The following PNO1 variants were observed in gnomAD, a reference collection of about 807,000 sequenced individuals.
PNO1 encodes the protein RNA-binding protein PNO1.
PNO1 carries 16 observed loss-of-function variants against 28.4 expected under a neutral mutation model. The observed-to-expected ratio is 0.56, with a 90% CI of 0.38 to 0.85. The LOEUF is 0.85. PNO1 is among the 40% of genes least tolerant of loss of function. The probability of loss-of-function intolerance (pLI) is 0.00; values close to 1 mark genes in which losing one functional copy is unlikely to be tolerated. For synonymous variants in PNO1, 115 were observed against 110.8 expected, an observed-to-expected ratio of 1.04 and a Z score of -0.24; for missense variants, 304 against 312.2, an observed-to-expected ratio of 0.97 and a Z score of 0.20.
chr2:68,171,930 G>T (rs778489413), intron 5 of PNO1, among the ~76,000 whole-genome samples: 5 of 152,070 alleles, frequency 3.3e-5, no homozygotes, highest in Non-Finnish European at 7.4e-5. Context: ...GATATGAGTG[G>T]AATGACAGAA....
chr2:68,168,715 T>A (rs1414072083), intron 5 of PNO1, among the ~76,000 whole-genome samples: 1 of 152,182 alleles, frequency 6.6e-6, no homozygotes, highest in African/African-American at 2.4e-5. Flanking sequence ...GCCTAGGGGC[T>A]TTATTTTTAT....
chr2:68,170,477 A>G (rs1045562288), intron 5 of PNO1, among the ~76,000 whole-genome samples: 8 of 152,196 alleles, frequency 5.3e-5, no homozygotes, highest in South Asian at 2.1e-4. Flanking sequence ...GCCGGGCGTG[A>G]TGGCTCACAC....
intron 5 of PNO1, among the ~76,000 whole-genome samples, chr2:68,168,448 T>G (rs1046184570): frequency 6.6e-6 from 1 of 152,184 alleles, no homozygotes; most frequent in Non-Finnish European, 1.5e-5. Context: ...AGTTACTGTT[T>G]GTGGAACAGA....
rs1673730849 is a variant in PNO1 at position 68,158,428 on chromosome 2, A to G, written c.256A>G (p.Thr86Ala). The G allele has an allele frequency of 6.2e-7, 1 of 1,613,466 alleles. No homozygotes were observed. The highest frequency in any genetic ancestry group is 1.7e-5 in the Admixed American group (1 of 59,966). The stretch of plus-strand genomic sequence containing the variant: ...AATTCCAGTCCCAGCTAACAGATAC[A>G]CACCATTGAAAGAAAACTGGATGAA... The part of the protein sequence containing the change: ...RKIPVPANRY[T>A]PLKENWMKIF... The change falls in exon 2 of 7, where the codon ACA becomes GCA. Residue 86 changes from threonine to alanine, a missense_variant. Coordinates refer to ENST00000263657, the MANE Select transcript of PNO1 (RefSeq NM_020143.4).
At chr2:68,172,531 TGTCA>T (rs1387389242) in intron 5 of PNO1, among the ~76,000 whole-genome samples, 4 of 152,224 alleles carry the variant, frequency 2.6e-5, no homozygotes, top group Admixed American at 2.0e-4. Context: ...AATTGTATCT[TGTCA>T]GTTTTGTCAT....
At chr2:68,165,363 C>CAAA (rs770897170) in intron 5 of PNO1, among the ~76,000 whole-genome samples, 28 of 24,760 alleles carry the variant, frequency 1.1e-3, no homozygotes, top group African/African-American at 2.2e-3. Context: ...GACTCCGTCT[C>CAAA]AAAAAAAAAA....
chr2:68,162,294 C>A lies in PNO1; in HGVS notation c.471C>A (p.Asp157Glu), dbSNP rs777152806. The A allele has an allele frequency of 6.2e-7, 1 of 1,613,172 alleles. No individual in the cohort carries two copies. The highest frequency in any genetic ancestry group is 8.5e-7 in the Non-Finnish European group (1 of 1,179,334). The change falls in exon 4 of 7, where the codon GAC becomes GAA. Residue 157 changes from aspartate to glutamate, a missense_variant. Coordinates refer to ENST00000263657, the MANE Select transcript of PNO1 (RefSeq NM_020143.4). ...CACTTGCCCTCATCAGGTTGGATGA[C>A]CTCTTCCTAGAGTCTTTTGAAATTA... ...EDALALIRLD[D>E]LFLESFEITD...
At chr2:68,172,331 G>A (rs908259161) in intron 5 of PNO1, among the ~76,000 whole-genome samples, 3 of 152,154 alleles carry the variant, frequency 2.0e-5, no homozygotes, top group African/African-American at 7.2e-5. Flanking sequence ...GTGGCATGAA[G>A]ACACCTGCTC....
At position 68,174,795 on chromosome 2, in the gene PNO1, G is replaced by A. The variant is rs1378476342; in HGVS notation, c.752G>A (p.Arg251Gln). The A allele has an allele frequency of 6.2e-6, 10 of 1,601,116 alleles. No individual in the cohort carries two copies. The highest frequency in any genetic ancestry group is 2.2e-5 in the East Asian group (1 of 44,776). Residue 251 changes from arginine (R) to glutamine (Q), a missense_variant, in exon 7 of 7, where the codon CGA becomes CAA. By Grantham distance (43) the Arg-to-Gln change is conservative. Coordinates refer to ENST00000263657, the MANE Select transcript of PNO1 (RefSeq NM_020143.4). ...IRAVASRSAD[R>Q]F ...GCTGTGGCTAGCAGATCAGCAGATC[G>A]ATTCTGATTTCAAGTCAGAGACTTT...
chr2:68,158,895 G>A (rs562388089), intron 2 of PNO1, among the ~76,000 whole-genome samples: 61 of 152,276 alleles, frequency 4.0e-4, no homozygotes, highest in South Asian at 6.2e-4. Context: ...AGTCAGCGTC[G>A]GGAATATGTT....
intron 5 of PNO1, chr2:68,173,107 TAA>T (rs1178918280): frequency 9.8e-6 from 2 of 204,306 alleles, no homozygotes; most frequent in Admixed American, 7.0e-5. Context: ...TTTTTTTTTT[TAA>T]GAGAGAGGGT....
At chr2:68,161,276 C>A (rs756508075) in intron 2 of PNO1, 14 of 471,730 alleles carry the variant, frequency 3.0e-5, no homozygotes, top group Non-Finnish European at 5.7e-5. Context: ...TAAATGATAA[C>A]TAAGAAGATT....
chr2:68,162,105 C>T (rs1010693759), intron 3 of PNO1, among the ~76,000 whole-genome samples, 160 bp from the exon 4 acceptor site: 2 of 151,472 alleles, frequency 1.3e-5, no homozygotes, highest in African/African-American at 4.9e-5. Flanking sequence ...CGCCACTGCA[C>T]TCCAGCCTGG....
rs1482425788 is a variant in PNO1, at chr2:68,158,057, C to G, written c.123C>G (p.Gly41=). The G allele has an allele frequency of 5.6e-6, 9 of 1,613,854 alleles. No homozygotes were observed. Among genetic ancestry groups the G allele is most frequent in the Non-Finnish European group, 7.6e-6 (9 of 1,179,960 alleles). Residue 41 remains glycine, a synonymous_variant, in exon 1 of 7, where the codon GGC becomes GGG. Transcript: ENST00000263657. ...AACAGCTGTCCGCAGCAGGAGAGGG[C>G]GGGGATGCGGGCCGCATGGACACAG... ...QAEQLSAAGE[G]GDAGRMDTEE... is the part of the protein sequence containing the mutation.
chr2:68,172,718 T>C (rs572219540), intron 5 of PNO1, among the ~76,000 whole-genome samples: 216 of 152,324 alleles, frequency 1.4e-3, no homozygotes, highest in Non-Finnish European at 2.6e-3. Context: ...TTGGGCAGGC[T>C]TTTTGATTTC....
At chr2:68,166,938 T>A (rs1198167999) in intron 5 of PNO1, among the ~76,000 whole-genome samples, 1 of 152,184 alleles carries the variant, frequency 6.6e-6, no homozygotes, top group Non-Finnish European at 1.5e-5. Context: ...CCTTCACCCC[T>A]CACTTTTGGC....
chr2:68,164,849 G>T (rs936643865), intron 5 of PNO1, among the ~76,000 whole-genome samples: 1 of 152,128 alleles, frequency 6.6e-6, no homozygotes, highest in Non-Finnish European at 1.5e-5. Context: ...GCTCCTCACC[G>T]TATGGTGGGG....
intron 2 of PNO1, among the ~76,000 whole-genome samples, chr2:68,159,963 A>AT (rs1673787366): frequency 6.3e-5 from 9 of 143,046 alleles, no homozygotes; most frequent in East Asian, 2.0e-4. Flanking sequence ...AACAAAAAAA[A>AT]ATTTTTTTTT....
intron 2 of PNO1, chr2:68,161,254 A>T (rs1558618187): frequency 2.1e-6 from 1 of 471,482 alleles, no homozygotes; most frequent in Middle Eastern, 3.2e-4. Flanking sequence ...TGGTTTAAGA[A>T]ACATCAGCAT....
Sources: allele counts gnomAD v4.1 joint callset (sites outside exome capture counted in the v4.1 genomes callset), GRCh38; gene constraint gnomAD v4.1.1; transcripts MANE v1.5; gene names NCBI Gene and HGNC (gene_info 2026-07-23, HGNC 2026-07-21).